Variants in CSMD1 observed in about 807,000 individuals in gnomAD.
CSMD1 encodes the protein CUB and sushi domain-containing protein 1.
Under a neutral mutation model 417.5 loss-of-function variants are expected in CSMD1, and 213 were observed. That is an observed-to-expected ratio of 0.51 (90% CI 0.46 to 0.57). The LOEUF (loss-of-function observed/expected upper bound fraction) is 0.57. Ranked by LOEUF, CSMD1 falls within the 20% of genes least tolerant of loss-of-function variation. The pLI, the probability that CSMD1 is intolerant of heterozygous loss-of-function variation, is 0.00. For synonymous variants in CSMD1, 2,862 were observed against 1,736.8 expected (o/e 1.65, Z -16.11); for missense variants, 6,923 against 4,529.7 (o/e 1.53, Z -15.17).
rs1798862799 is a variant in CSMD1 at position 4,447,130 on chromosome 8, A to G, written c.303-27065T>C. On this transcript the variant is annotated intron_variant, in intron 2 of 69. Coordinates refer to ENST00000635120, the MANE Select transcript of CSMD1 (RefSeq NM_033225.6). ...CTTACTTAAATGTACATTTGCAAAT[A>G]GAATGTTAAAGACAAACAACATTTT... Among the ~76,000 whole-genome samples, 5 of 152,312 alleles carry G rather than the reference A, an allele frequency of 3.3e-5. No homozygotes were observed. The South Asian group carries it at 1.0e-3, about 32-fold the overall frequency.
At chr8:4,257,141 C>T (rs1803516155) in intron 3 of CSMD1, among the ~76,000 whole-genome samples, 1 of 152,128 alleles carries the variant, frequency 6.6e-6, no homozygotes, top group Non-Finnish European at 1.5e-5. Context: ...CATTTGTTAC[C>T]TAGGGCAAAT....
At chr8:3,059,480 C>A (rs368936989) in intron 49 of CSMD1, among the ~76,000 whole-genome samples, 1 of 152,090 alleles carries the variant, frequency 6.6e-6, no homozygotes, top group South Asian at 2.1e-4. Flanking sequence ...CGCTGTGAAG[C>A]GAAAATGCTG....
rs768792430 is a variant in CSMD1 at position 3,750,940 on chromosome 8, C to T, written c.931+2990G>A. Among the ~76,000 whole-genome samples, 14 of 152,230 alleles carry T rather than the reference C, an allele frequency of 9.2e-5. No homozygotes were observed. In the South Asian group the frequency reaches 1.0e-3, roughly 11 times the overall value. The stretch of plus-strand genomic sequence containing the variant: ...GCCTTTCTGCGTACTGTGCACCATG[C>T]GCCCTCTAAGATTCCTCACATCCTC... On this transcript the variant is annotated intron_variant, in intron 6 of 69. Transcript: ENST00000635120.
At position 3,029,414 on chromosome 8, in the gene CSMD1, C is replaced by A; in HGVS notation, c.7760G>T (p.Ser2587Ile). The change falls in exon 51 of 70, where the codon AGC becomes ATC. Residue 2587 changes from serine to isoleucine, a missense_variant. Physicochemically the swap from Ser to Ile is moderately radical, Grantham distance 142. Coordinates refer to ENST00000635120, the MANE Select transcript of CSMD1 (RefSeq NM_033225.6). ...LNEYGAQVLL[S>I]CSPGYYLEGW... ...TTCTAAGTAGTAACCAGGACTGCAG[C>A]TCAGCAATACTTGAGCACCGTACTC... The A allele has an allele frequency of 6.2e-7, 1 of 1,611,982 alleles. No individual in the cohort carries two copies.
At chr8:4,085,359 G>C (rs1309420238) in intron 3 of CSMD1, among the ~76,000 whole-genome samples, 3 of 152,174 alleles carry the variant, frequency 2.0e-5, no homozygotes, top group African/African-American at 4.8e-5. Flanking sequence ...ACAACTCAAA[G>C]AAAAGGAAAA....
intron 7 of CSMD1, among the ~76,000 whole-genome samples, chr8:3,691,953 C>CATT (rs1410113172): frequency 1.3e-5 from 2 of 152,166 alleles, no homozygotes; most frequent in African/African-American, 4.8e-5. Flanking sequence ...CAAGAGCTCT[C>CATT]ATTTCACTCC....
At chr8:3,084,455 A>C (rs1228110007) in intron 49 of CSMD1, among the ~76,000 whole-genome samples, 1 of 149,372 alleles carries the variant, frequency 6.7e-6, no homozygotes, top group Non-Finnish European at 1.5e-5. Flanking sequence ...CCTGGGAGGC[A>C]GAAGTTGCCG....
intron 3 of CSMD1, among the ~76,000 whole-genome samples, chr8:4,363,041 C>T (rs1339644820): frequency 1.3e-5 from 2 of 152,146 alleles, no homozygotes; most frequent in East Asian, 1.9e-4. Context: ...TCTGCTACTA[C>T]GGAAGGGAGA....
At position 4,778,212 on chromosome 8, in the gene CSMD1, T is replaced by A. The variant is rs142698285; in HGVS notation, c.86-140654A>T. 2.4e-3 allele frequency among the ~76,000 whole-genome samples: 361 copies of A among 152,310 alleles called. 1 individual carries two copies. The highest frequency in any genetic ancestry group is 8.7e-3 in the African/African-American group (360 of 41,572). The stretch of plus-strand genomic sequence containing the variant: ...TCATTAAAATTACTTATGAAAATAT[T>A]CAGATTTGCAATTATTAATGAATAA... On this transcript the variant is annotated intron_variant, in intron 1 of 69. Transcript: ENST00000635120.
chr8:3,770,895 C>G (rs549722075), intron 5 of CSMD1, among the ~76,000 whole-genome samples: 1 of 152,116 alleles, frequency 6.6e-6, no homozygotes, highest in Non-Finnish European at 1.5e-5. Context: ...TAGCATTTTG[C>G]AGGATTAAAT....
chr8:3,670,563 G>A (rs73181200), intron 7 of CSMD1, among the ~76,000 whole-genome samples: 19,786 of 136,962 alleles, frequency 0.14, 1,904 homozygotes, highest in South Asian at 0.21. Context: ...ATATATATGC[G>A]ATATATATAT....
chr8:4,344,130 G>A (rs73174297), intron 3 of CSMD1, among the ~76,000 whole-genome samples: 3,387 of 152,144 alleles, frequency 0.022, 55 homozygotes, highest in South Asian at 0.061. Flanking sequence ...AAAACACACT[G>A]ATCATTAGCA....
chr8:4,889,103 T>C (rs1163077622), intron 1 of CSMD1, among the ~76,000 whole-genome samples: 3 of 152,126 alleles, frequency 2.0e-5, no homozygotes, highest in Non-Finnish European at 4.4e-5. Context: ...AAACGGAATA[T>C]GTGCAATGTC....
intron 7 of CSMD1, among the ~76,000 whole-genome samples, chr8:3,667,227 T>G (rs528724507): frequency 6.6e-6 from 1 of 152,172 alleles, no homozygotes; most frequent in African/African-American, 2.4e-5. Flanking sequence ...TATATAATCA[T>G]AGTCCCTACA....
At chr8:4,924,382 A>C (rs950485760) in intron 1 of CSMD1, among the ~76,000 whole-genome samples, 4 of 152,354 alleles carry the variant, frequency 2.6e-5, no homozygotes, top group African/African-American at 7.2e-5. Context: ...TGAATTAAAA[A>C]CCATCTATAT....
intron 1 of CSMD1, among the ~76,000 whole-genome samples, chr8:4,975,379 C>G (rs977456635): frequency 6.6e-6 from 1 of 152,178 alleles, no homozygotes; most frequent in Non-Finnish European, 1.5e-5. Flanking sequence ...AGCAAGTATT[C>G]CTTTTACTTC....
chr8:3,429,845 C>G (rs1468194301), intron 12 of CSMD1, among the ~76,000 whole-genome samples: 1 of 152,056 alleles, frequency 6.6e-6, no homozygotes, highest in African/African-American at 2.4e-5. Flanking sequence ...AAAATACATC[C>G]ACAGCAACAG....
At chr8:3,549,805 C>T (rs1469531420) in intron 10 of CSMD1, among the ~76,000 whole-genome samples, 1 of 152,106 alleles carries the variant, frequency 6.6e-6, no homozygotes, top group Non-Finnish European at 1.5e-5. Flanking sequence ...TAATACACTC[C>T]CTTTCTCTAT....
At chr8:3,327,386 G>T (rs1431063632) in intron 23 of CSMD1, among the ~76,000 whole-genome samples, 1 of 152,032 alleles carries the variant, frequency 6.6e-6, no homozygotes, top group East Asian at 1.9e-4. Context: ...GCCCACCTCG[G>T]CCTCCCAAAG....
Sources: gnomAD v4.1 joint callset for allele counts (sites outside exome capture counted in the v4.1 genomes callset) on GRCh38, gnomAD v4.1.1 for gene constraint, MANE v1.5 for transcripts, NCBI Gene and HGNC (gene_info 2026-07-23, HGNC 2026-07-21) for gene names.